Variants in BBS9 observed in about 807,000 individuals in gnomAD.
BBS9 encodes protein PTHB1.
In BBS9, 89 loss-of-function variants were observed where a neutral mutation model predicts 117.7. The observed-to-expected ratio is 0.76, with a 90% CI of 0.64 to 0.90. BBS9 has a LOEUF of 0.90. BBS9 is among the 40% of genes least tolerant of loss of function. BBS9 has a pLI of 0.00. For missense variants in BBS9, 982 were observed against 1,042.2 expected (o/e 0.94, Z 0.80); for synonymous variants, 379 against 370.9 (o/e 1.02, Z -0.25).
chr7:33,197,743 G>A, intron 5 of BBS9, among the ~76,000 whole-genome samples: 1 of 151,774 alleles, frequency 6.6e-6, no homozygotes, highest in East Asian at 1.9e-4. Context: ...AATTATTTAT[G>A]TGGACAATAC....
intron 21 of BBS9, among the ~76,000 whole-genome samples, chr7:33,543,217 T>C (rs1015882934): frequency 6.6e-6 from 1 of 152,226 alleles, no homozygotes; most frequent in Non-Finnish European, 1.5e-5. Flanking sequence ...ATTAGTGATG[T>C]TGACCATTTT....
At chr7:33,370,629 T>A (rs1320346741) in intron 17 of BBS9, among the ~76,000 whole-genome samples, 1 of 152,234 alleles carries the variant, frequency 6.6e-6, no homozygotes, top group East Asian at 1.9e-4. Flanking sequence ...TGGATGTCTA[T>A]AATTTCGAGT....
intron 17 of BBS9, among the ~76,000 whole-genome samples, chr7:33,378,735 GCC>G (rs1337040162): frequency 2.6e-5 from 4 of 152,164 alleles, no homozygotes; most frequent in Non-Finnish European, 5.9e-5. Context: ...TTCTTGGTTA[GCC>G]CACAGCATCC....
chr7:33,230,386 C>T (rs1792123088), intron 5 of BBS9, among the ~76,000 whole-genome samples: 1 of 152,048 alleles, frequency 6.6e-6, no homozygotes, highest in South Asian at 2.1e-4. Context: ...AGTTCCTGGT[C>T]TTATATTTAG....
In BBS9 at chr7:33,286,386, T is replaced by G. The variant is rs532797697; in HGVS notation, c.1016+12430T>G. ...TTCACTAGTTATGAAGGGTTTGCCT[T>G]TCACTAAGCACATACCTTCTTGGCC... On this transcript the variant is annotated intron_variant, in intron 9 of 22. Transcript: ENST00000242067. Among the ~76,000 whole-genome samples, 6 of 152,272 alleles carry G rather than the reference T, an allele frequency of 3.9e-5. No individual in the cohort carries two copies. In the East Asian group the frequency reaches 1.2e-3, roughly 29 times the overall value.
chr7:33,179,982 G>C (rs989168470), intron 5 of BBS9, among the ~76,000 whole-genome samples: 1 of 152,122 alleles, frequency 6.6e-6, no homozygotes, highest in African/African-American at 2.4e-5. Flanking sequence ...TTTTCCACCA[G>C]TTTTAATCAG....
chr7:33,607,220 C>T (rs973547076), downstream of BBS9, among the ~76,000 whole-genome samples: 15 of 152,086 alleles, frequency 9.9e-5, no homozygotes, highest in African/African-American at 3.6e-4. Context: ...GTCAACAAGT[C>T]ATAGAGAAAT....
chr7:33,410,050 A>G (rs1830831344), intron 19 of BBS9, among the ~76,000 whole-genome samples: 1 of 152,102 alleles, frequency 6.6e-6, no homozygotes, highest in Admixed American at 6.6e-5. Flanking sequence ...GTCTTATGTT[A>G]TGGTTTCTTG....
At chr7:33,329,286 G>T (rs1231005131) in intron 9 of BBS9, among the ~76,000 whole-genome samples, 2 of 152,118 alleles carry the variant, frequency 1.3e-5, no homozygotes, top group Non-Finnish European at 2.9e-5. Context: ...CTCCCAAAGT[G>T]CTGGGATTAC....
chr7:33,293,741 A>G (rs1488924642), intron 9 of BBS9, among the ~76,000 whole-genome samples: 2 of 152,198 alleles, frequency 1.3e-5, no homozygotes, highest in Non-Finnish European at 2.9e-5. Context: ...TCAGTACTCT[A>G]GTTAAATCAT....
Position 33,368,798 on chromosome 7 carries a change from A to G in BBS9, c.1789+936A>G, listed in dbSNP as rs1334099192. The stretch of plus-strand genomic sequence containing the variant: ...AAAAAGAAAAGTATTAGCAGGAGGA[A>G]CAGACATCCCATTTAGAAACTGTAA... On this transcript the variant is annotated intron_variant, in intron 17 of 22. Coordinates refer to ENST00000242067, the MANE Select transcript of BBS9 (RefSeq NM_198428.3). 2.0e-5 allele frequency among the ~76,000 whole-genome samples: 3 copies of G among 152,310 alleles called. No homozygotes were observed. In the South Asian group the frequency reaches 6.2e-4, roughly 32 times the overall value.
intron 9 of BBS9, among the ~76,000 whole-genome samples, chr7:33,307,958 T>G (rs1398747069): frequency 1.3e-5 from 2 of 152,202 alleles, no homozygotes; most frequent in Non-Finnish European, 2.9e-5. Context: ...AACCAATTGC[T>G]AGGTATTGTT....
chr7:33,281,946 C>T (rs1298804782), intron 9 of BBS9, among the ~76,000 whole-genome samples: 1 of 151,844 alleles, frequency 6.6e-6, no homozygotes, highest in Non-Finnish European at 1.5e-5. Flanking sequence ...TCACAAGTAG[C>T]TGGGACTATA....
At chr7:33,461,993 T>C (rs889840709) in intron 19 of BBS9, among the ~76,000 whole-genome samples, 9 of 152,038 alleles carry the variant, frequency 5.9e-5, no homozygotes, top group African/African-American at 2.2e-4. Context: ...TCTTCCCATA[T>C]CTAAGGTCGT....
chr7:33,336,761 T>G (rs1355577057), intron 10 of BBS9, 139 bp downstream of exon 10: 1 of 658,422 alleles, frequency 1.5e-6, no homozygotes, highest in Non-Finnish European at 2.6e-6. Context: ...ACAGTATTGC[T>G]CTTTAGCACA....
chr7:33,307,714 T>G (rs1366960838), intron 9 of BBS9, among the ~76,000 whole-genome samples: 2 of 152,178 alleles, frequency 1.3e-5, no homozygotes, highest in African/African-American at 4.8e-5. Context: ...TATACTGTAT[T>G]TTTTAGGGCA....
intron 20 of BBS9, among the ~76,000 whole-genome samples, chr7:33,516,445 C>T (rs58003783): frequency 0.038 from 5,435 of 141,172 alleles, 349 homozygotes; most frequent in African/African-American, 0.14. Context: ...GCTAAAATTG[C>T]ACCACTGCAC....
chr7:33,244,788 A>G (rs1416549053), intron 5 of BBS9, among the ~76,000 whole-genome samples: 1 of 152,240 alleles, frequency 6.6e-6, no homozygotes, highest in Non-Finnish European at 1.5e-5. Context: ...TGTGAAAGCC[A>G]GAATTCAAAA....
At chr7:33,331,094 G>T (rs1813945428) in intron 9 of BBS9, among the ~76,000 whole-genome samples, 1 of 152,150 alleles carries the variant, frequency 6.6e-6, no homozygotes, top group South Asian at 2.1e-4. Flanking sequence ...TTTCATTCCA[G>T]GGATGCAGGG....
Sources: gnomAD v4.1 joint callset for allele counts (sites outside exome capture counted in the v4.1 genomes callset) on GRCh38, gnomAD v4.1.1 for gene constraint, MANE v1.5 for transcripts, NCBI Gene and HGNC (gene_info 2026-07-23, HGNC 2026-07-21) for gene names.